Variants in PDE11A observed in about 807,000 individuals in gnomAD.
PDE11A encodes dual 3',5'-cyclic-AMP and -GMP phosphodiesterase 11A.
A neutral mutation model predicts 100.5 loss-of-function variants in PDE11A; 100 were observed. That is an observed-to-expected ratio of 1.00 (90% confidence interval 0.85 to 1.18). The LOEUF (loss-of-function observed/expected upper bound fraction) is 1.18, where lower values mean the gene tolerates loss of function less well. PDE11A is among the 50% of genes most tolerant of loss of function. The pLI, the probability that PDE11A is intolerant of heterozygous loss-of-function variation, is 0.00. For synonymous variants in PDE11A, 381 were observed against 420.8 expected (o/e 0.91, Z 1.16); for missense variants, 1,141 against 1,152.6 (o/e 0.99, Z 0.15).
chr2:177,928,495 C>T (rs1332489497), intron 2 of PDE11A, among the ~76,000 whole-genome samples: 1 of 121,200 alleles, frequency 8.3e-6, no homozygotes, highest in Non-Finnish European at 1.7e-5. Flanking sequence ...GTGACCTTGT[C>T]TCTAAATACG....
At position 177,664,256 on chromosome 2, in the gene PDE11A, G is replaced by C. The variant is rs111442387; in HGVS notation, c.2563-307C>G. The stretch of plus-strand genomic sequence containing the variant: ...CAAGTCATCAGGTCACTGCGAATTG[G>C]GTACAGGTCAAGGGGAAAGGAATAT... On this transcript the variant is annotated intron_variant, in intron 18 of 19. Coordinates refer to ENST00000286063, the MANE Select transcript of PDE11A (RefSeq NM_016953.4). Among the ~76,000 whole-genome samples the C allele has an allele frequency of 7.6e-4, 116 of 152,216 alleles. 2 individuals carry two copies. Among genetic ancestry groups the C allele is most frequent in the African/African-American group, 2.7e-3 (114 of 41,542 alleles).
intron 19 of PDE11A, among the ~76,000 whole-genome samples, chr2:177,657,182 TA>T (rs1276825350): frequency 2.0e-5 from 3 of 152,244 alleles, no homozygotes; most frequent in Non-Finnish European, 4.4e-5. Context: ...CATATTTGAC[TA>T]ATAACACATA....
intron 2 of PDE11A, among the ~76,000 whole-genome samples, chr2:178,012,238 A>G (rs911537832): frequency 6.6e-6 from 1 of 152,198 alleles, no homozygotes; most frequent in Non-Finnish European, 1.5e-5. Context: ...GGCACATGGG[A>G]TAACTACAGA....
At chr2:177,849,657 G>A (rs1437975781) in intron 5 of PDE11A, among the ~76,000 whole-genome samples, 1 of 151,366 alleles carries the variant, frequency 6.6e-6, no homozygotes, top group Non-Finnish European at 1.5e-5. Context: ...TAGAGATGAG[G>A]TTTCACCATG....
intron 2 of PDE11A, among the ~76,000 whole-genome samples, chr2:178,010,803 A>G (rs995940348): frequency 2.0e-5 from 3 of 152,232 alleles, no homozygotes; most frequent in African/African-American, 7.2e-5. Context: ...TAAAACGTAG[A>G]ATGCAAATTA....
intron 6 of PDE11A, among the ~76,000 whole-genome samples, chr2:177,837,893 G>A (rs2083430677): frequency 6.6e-6 from 1 of 152,210 alleles, no homozygotes; most frequent in Non-Finnish European, 1.5e-5. Flanking sequence ...CTTTCTTAAG[G>A]AGTGCTCAGC....
chr2:177,982,725 T>G (rs907921190), intron 2 of PDE11A, among the ~76,000 whole-genome samples: 1 of 150,640 alleles, frequency 6.6e-6, no homozygotes, highest in Admixed American at 6.6e-5. Flanking sequence ...GCTAGCAAAA[T>G]GTAATTTCTT....
intron 10 of PDE11A, among the ~76,000 whole-genome samples, chr2:177,744,407 C>T (rs1230014475): frequency 2.0e-5 from 3 of 150,842 alleles, no homozygotes; most frequent in African/African-American, 7.3e-5. Context: ...AGACTTCTTT[C>T]GGATTCCTTT....
chr2:178,062,126 A>C (rs2086979203), intron 1 of PDE11A, among the ~76,000 whole-genome samples: 1 of 152,170 alleles, frequency 6.6e-6, no homozygotes, highest in Non-Finnish European at 1.5e-5. Context: ...TTGGGGAGAG[A>C]TGCCTCAGCT....
intron 1 of PDE11A, among the ~76,000 whole-genome samples, chr2:178,032,433 A>C (rs2086560274): frequency 6.6e-6 from 1 of 151,678 alleles, no homozygotes; most frequent in African/African-American, 2.4e-5. Context: ...GCAGTGAACC[A>C]AGATCGCATC....
chr2:177,877,018 G>A (rs548076569), intron 4 of PDE11A, among the ~76,000 whole-genome samples: 2 of 147,756 alleles, frequency 1.4e-5, no homozygotes, highest in South Asian at 4.3e-4. Context: ...GGAGACGGAC[G>A]GGGGATGTAG....
At chr2:177,675,596 A>T (rs764564438) in intron 16 of PDE11A, 78 bp from the exon 17 acceptor site, 1 of 1,030,940 alleles carries the variant, frequency 9.7e-7, no homozygotes, top group African/African-American at 1.6e-5. Context: ...AGATACATAA[A>T]TAAATAAAAT....
At chr2:177,924,204 C>T (rs2085094798) in intron 2 of PDE11A, among the ~76,000 whole-genome samples, 1 of 152,090 alleles carries the variant, frequency 6.6e-6, no homozygotes, top group African/African-American at 2.4e-5. Flanking sequence ...TCTTCACTTA[C>T]TCAAATAAAT....
rs576152724 is a variant in PDE11A, at chr2:177,950,482, G to A, written c.1072-45295C>T. Among the ~76,000 whole-genome samples, 12 of 152,242 alleles carry A rather than the reference G, an allele frequency of 7.9e-5. No homozygotes were observed. The East Asian group carries it at 1.2e-3, about 15-fold the overall frequency. On this transcript the variant is annotated intron_variant, in intron 2 of 19. Coordinates refer to ENST00000286063, the MANE Select transcript of PDE11A (RefSeq NM_016953.4). ...AATCTCCCTGAAGTCACAGGGCAGC[G>A]TACATCTAAGTAGGCATGACCAGGC... is the stretch of plus-strand genomic sequence containing the variant.
chr2:178,086,858 T>C (rs2087364266), intron 2 of PDE11A, among the ~76,000 whole-genome samples: 5 of 152,286 alleles, frequency 3.3e-5, no homozygotes, highest in South Asian at 4.1e-4. Flanking sequence ...ACACTAACTG[T>C]TTGACTTTGG....
At chr2:178,062,637 A>T (rs1455026644) in intron 1 of PDE11A, among the ~76,000 whole-genome samples, 1 of 152,228 alleles carries the variant, frequency 6.6e-6, no homozygotes, top group Non-Finnish European at 1.5e-5. Context: ...TTAAATATGT[A>T]ATCATGCATA....
At chr2:178,043,491 T>C (rs1324273716) in intron 1 of PDE11A, among the ~76,000 whole-genome samples, 1 of 152,148 alleles carries the variant, frequency 6.6e-6, no homozygotes, top group African/African-American at 2.4e-5. Context: ...TCTAAGCCAG[T>C]AGACAAGCGG....
At chr2:177,674,463 G>A (rs937798646) in intron 17 of PDE11A, among the ~76,000 whole-genome samples, 1 of 152,188 alleles carries the variant, frequency 6.6e-6, no homozygotes, top group African/African-American at 2.4e-5. Context: ...CTGCATCACT[G>A]CAATCTCTGC....
At chr2:178,012,257 A>C (rs1361177178) in intron 2 of PDE11A, among the ~76,000 whole-genome samples, 2 of 152,184 alleles carry the variant, frequency 1.3e-5, no homozygotes, top group African/African-American at 4.8e-5. Context: ...GAAGAGAAAA[A>C]TATATCATTT....
Sources: allele counts gnomAD v4.1 joint callset (sites outside exome capture counted in the v4.1 genomes callset), GRCh38; gene constraint gnomAD v4.1.1; transcripts MANE v1.5; gene names NCBI Gene and HGNC (gene_info 2026-07-23, HGNC 2026-07-21).